Variants in SLCO6A1 observed in about 807,000 individuals in gnomAD.
SLCO6A1 encodes the protein cancer/testis antigen 48.
SLCO6A1 carries 65 observed loss-of-function variants against 72.7 expected under a neutral mutation model. The observed-to-expected ratio is 0.89, with a 90% CI of 0.73 to 1.10. The LOEUF (loss-of-function observed/expected upper bound fraction) is 1.10, where lower values mean the gene tolerates loss of function less well. Ranked by LOEUF, SLCO6A1 falls within the 50% of genes least tolerant of loss-of-function variation. The pLI, the probability that SLCO6A1 is intolerant of heterozygous loss-of-function variation, is 0.00. For missense variants in SLCO6A1, 874 were observed against 872.6 expected, an observed-to-expected ratio of 1.00 and a Z score of -0.02; for synonymous variants, 314 against 298.2, an observed-to-expected ratio of 1.05 and a Z score of -0.55.
intron 11 of SLCO6A1, among the ~76,000 whole-genome samples, chr5:102,389,459 C>CCCCCA (rs1198260136): frequency 9.0e-6 from 1 of 111,006 alleles, no homozygotes; most frequent in African/African-American, 3.3e-5. Flanking sequence ...CCCACCCCCA[C>CCCCCA]ACACACAGAG....
intron 12 of SLCO6A1, among the ~76,000 whole-genome samples, chr5:102,378,517 C>G (rs1162077765): frequency 6.6e-6 from 1 of 152,174 alleles, no homozygotes; most frequent in Non-Finnish European, 1.5e-5. Flanking sequence ...GGCAACCCTA[C>G]TTATGATTCC....
At chr5:102,438,197 TTAAA>T (rs1276081097) in intron 7 of SLCO6A1, among the ~76,000 whole-genome samples, 1 of 151,990 alleles carries the variant, frequency 6.6e-6, no homozygotes, top group Non-Finnish European at 1.5e-5. Flanking sequence ...CTGAAATGCA[TTAAA>T]TAGATATAGA....
intron 8 of SLCO6A1, among the ~76,000 whole-genome samples, chr5:102,413,605 T>C (rs72779958): frequency 1.3e-5 from 2 of 152,170 alleles, no homozygotes; most frequent in Admixed American, 6.5e-5. Flanking sequence ...TATGGTCATA[T>C]GCTTCCATGT....
In SLCO6A1 at chr5:102,498,765, G is replaced by A. The variant is rs13190449; in HGVS notation, c.80C>T (p.Ala27Val). ...GGCCCTCCTGTCCTTAGCAGGCTGG[G>A]CCCGCGCGGCCTCCAGCGGCTCTAC... Reference protein sequence around the residue: ...RGVEPLEAARAQPAKDRRAKG... With the variant: ...RGVEPLEAARVQPAKDRRAKG... Residue 27 changes from alanine (A) to valine (V), a missense_variant, in exon 1 of 14, where the codon GCC becomes GTC. Ala to Val is a moderately conservative substitution (Grantham distance 64, BLOSUM62 0). Transcript: ENST00000506729. 0.04 allele frequency: 64,770 copies of A among 1,614,088 alleles called. 1,616 individuals carry two copies. Among genetic ancestry groups the A allele is most frequent in the Non-Finnish European group, 0.048 (56,847 of 1,180,006 alleles).
At chr5:102,411,226 T>C (rs1326599780) in intron 9 of SLCO6A1, among the ~76,000 whole-genome samples, 2 of 151,660 alleles carry the variant, frequency 1.3e-5, no homozygotes, top group Non-Finnish European at 2.9e-5. Flanking sequence ...TATATATATA[T>C]GTGTGTGTGT....
chr5:102,427,864 ATTTTTTTTTTT>A (rs1200200259), intron 7 of SLCO6A1, among the ~76,000 whole-genome samples: 38 of 76,268 alleles, frequency 5.0e-4, no homozygotes, highest in Middle Eastern at 0.011. Flanking sequence ...ATATATATAT[ATTTTTTTTTTT>A]TTTTTTTTTT....
intron 13 of SLCO6A1, among the ~76,000 whole-genome samples, chr5:102,372,655 T>C (rs943648743): frequency 1.3e-5 from 2 of 151,130 alleles, no homozygotes; most frequent in Non-Finnish European, 3.0e-5. Context: ...TATCAGCTAG[T>C]CTTTATCAAT....
intron 1 of SLCO6A1, among the ~76,000 whole-genome samples, chr5:102,494,350 C>T (rs962604458): frequency 1.3e-5 from 2 of 152,074 alleles, no homozygotes; most frequent in African/African-American, 4.8e-5. Context: ...AGTAGAAAAC[C>T]TTCATGACAC....
At chr5:102,492,764 C>T (rs1286115534) in intron 1 of SLCO6A1, among the ~76,000 whole-genome samples, 1 of 152,196 alleles carries the variant, frequency 6.6e-6, no homozygotes, top group Non-Finnish European at 1.5e-5. Flanking sequence ...CAGAGGGTCC[C>T]ATGCCCACGA....
intron 8 of SLCO6A1, among the ~76,000 whole-genome samples, chr5:102,414,467 T>G (rs1748161316): frequency 6.6e-6 from 1 of 152,150 alleles, no homozygotes; most frequent in Non-Finnish European, 1.5e-5. Context: ...GATGATACAA[T>G]CTTAGGCCTA....
chr5:102,416,108 G>A (rs1026838723), intron 8 of SLCO6A1, among the ~76,000 whole-genome samples: 6 of 151,944 alleles, frequency 3.9e-5, no homozygotes, highest in African/African-American at 1.4e-4. Flanking sequence ...ACGGTTGGTG[G>A]GAATGTAAAT....
chr5:102,379,991 A>G (rs1241732869), intron 12 of SLCO6A1, among the ~76,000 whole-genome samples: 2 of 151,826 alleles, frequency 1.3e-5, no homozygotes, highest in African/African-American at 4.8e-5. Flanking sequence ...GTGTTATTGT[A>G]TTTATCATAT....
chr5:102,465,669 C>G (rs964727258), intron 4 of SLCO6A1, among the ~76,000 whole-genome samples: 17 of 152,090 alleles, frequency 1.1e-4, no homozygotes, highest in Non-Finnish European at 2.5e-4. Context: ...GTCCCTGCAT[C>G]ATTAGTAGTG....
intron 2 of SLCO6A1, among the ~76,000 whole-genome samples, chr5:102,478,084 T>C (rs938490612): frequency 3.9e-5 from 6 of 152,006 alleles, no homozygotes; most frequent in Middle Eastern, 3.2e-3. Context: ...ACACCTGTAG[T>C]ACCAGCTACT....
chr5:102,425,289 G>T (rs1748831322), intron 7 of SLCO6A1, among the ~76,000 whole-genome samples: 3 of 152,142 alleles, frequency 2.0e-5, no homozygotes, highest in Non-Finnish European at 2.9e-5. Flanking sequence ...GCAAGAGAAA[G>T]AAATAAAGCG....
chr5:102,457,920 C>T (rs965163045), intron 6 of SLCO6A1, among the ~76,000 whole-genome samples: 12 of 152,040 alleles, frequency 7.9e-5, no homozygotes, highest in African/African-American at 2.7e-4. Flanking sequence ...TACTATGCAG[C>T]CATAAAAATG....
chr5:102,398,556 A>C (rs1325844065), intron 10 of SLCO6A1, among the ~76,000 whole-genome samples: 1 of 152,104 alleles, frequency 6.6e-6, no homozygotes, highest in Non-Finnish European at 1.5e-5. Context: ...TTTTCAAAGC[A>C]TTCTATCTAA....
chr5:102,492,570 G>T (rs1752730637), intron 1 of SLCO6A1, among the ~76,000 whole-genome samples: 1 of 152,256 alleles, frequency 6.6e-6, no homozygotes, highest in African/African-American at 2.4e-5. Context: ...CACCGAGTGT[G>T]AGCTGAAGCA....
rs770608360 is a variant in SLCO6A1 at position 102,458,376 on chromosome 5, C to G, written c.1131+6G>C. 3 of 1,586,924 alleles carry G rather than the reference C, an allele frequency of 1.9e-6. No homozygotes were observed. The highest frequency in any genetic ancestry group is 2.2e-5 in the South Asian group (2 of 89,062). ...TGGATTGTTCAAGTAAAATATTTTA[C>G]TTTACCCAAAGAGCAGCACATAAAT... On this transcript the variant is annotated splice_donor_region_variant and intron_variant, in intron 6 of 13. Transcript: ENST00000506729.
Sources: allele counts gnomAD v4.1 joint callset (sites outside exome capture counted in the v4.1 genomes callset), GRCh38; gene constraint gnomAD v4.1.1; transcripts MANE v1.5; gene names NCBI Gene and HGNC (gene_info 2026-07-23, HGNC 2026-07-21).